NRXN1: variants seen among roughly 807,000 people sequenced by gnomAD.
The protein encoded by NRXN1 is neurexin 1.
Under a neutral mutation model 150.9 loss-of-function variants are expected in NRXN1, and 39 were observed. The observed-to-expected ratio is 0.26, with a 90% confidence interval of 0.20 to 0.34. The LOEUF is 0.34. Ranked by LOEUF, NRXN1 falls within the 10% of genes least tolerant of loss-of-function variation. The probability of loss-of-function intolerance (pLI) is 1.00; values close to 1 mark genes in which losing one functional copy is unlikely to be tolerated. For missense variants in NRXN1, 1,815 were observed against 1,949.9 expected (o/e 0.93, Z 1.30); for synonymous variants, 924 against 757.0 (o/e 1.22, Z -3.62).
chr2:50,165,689 T>C (rs74545230), intron 18 of NRXN1, among the ~76,000 whole-genome samples: 2,135 of 152,264 alleles, frequency 0.014, 46 homozygotes, highest in African/African-American at 0.049. Context: ...TGAGCCTTAC[T>C]TTCCTCCTCT....
At chr2:50,382,905 C>A (rs1281824835) in intron 17 of NRXN1, among the ~76,000 whole-genome samples, 1 of 152,138 alleles carries the variant, frequency 6.6e-6, no homozygotes, top group Admixed American at 6.6e-5. Context: ...TCTTGAGCCG[C>A]CTCAGGTTCA....
intron 2 of NRXN1, among the ~76,000 whole-genome samples, chr2:50,943,941 G>A (rs1254343491): frequency 6.6e-6 from 1 of 152,026 alleles, no homozygotes; most frequent in Non-Finnish European, 1.5e-5. Flanking sequence ...GAAGACCCTG[G>A]CATACGATTT....
chr2:50,168,553 T>G (rs904538066), intron 18 of NRXN1, among the ~76,000 whole-genome samples: 6 of 152,220 alleles, frequency 3.9e-5, no homozygotes, highest in Non-Finnish European at 7.3e-5. Context: ...ACTTAGTTTT[T>G]TTCATCTTAC....
chr2:50,521,940 A>G (rs1361525041), intron 12 of NRXN1, among the ~76,000 whole-genome samples: 1 of 152,196 alleles, frequency 6.6e-6, no homozygotes, highest in South Asian at 2.1e-4. Flanking sequence ...CGGGACAAGG[A>G]TAAGTAATAG....
intron 8 of NRXN1, among the ~76,000 whole-genome samples, chr2:50,599,469 C>A (rs1408535423): frequency 6.6e-6 from 1 of 151,958 alleles, no homozygotes; most frequent in African/African-American, 2.4e-5. Flanking sequence ...TCTAACAATG[C>A]CAAATGCAGA....
Position 50,418,210 on chromosome 2 carries a change from G to A in NRXN1, c.3364+47232C>T, listed in dbSNP as rs377337206. Among the ~76,000 whole-genome samples, 10 of 152,084 alleles carry A rather than the reference G, an allele frequency of 6.6e-5. 1 individual carries two copies. The highest frequency in any genetic ancestry group is 6.8e-3 in the Middle Eastern group (2 of 294). On this transcript the variant is annotated intron_variant, in intron 17 of 22. Coordinates refer to ENST00000401669, the MANE Select transcript of NRXN1 (RefSeq NM_001330078.2). The stretch of plus-strand genomic sequence containing the variant: ...GTTTCCTTCTTGGTTCACTGAGCAC[G>A]TGCCTCTTCTTATATCTCTAAAGCA...
At chr2:50,620,892 A>T in intron 7 of NRXN1, 2 of 279,632 alleles carry the variant, frequency 7.2e-6, no homozygotes, top group African/African-American at 2.4e-5. Flanking sequence ...CATGCCATGC[A>T]TCATGAATGG....
At position 50,911,994 on chromosome 2, in the gene NRXN1, T is replaced by A. The variant is rs969162550; in HGVS notation, c.832+9875A>T. The stretch of plus-strand genomic sequence containing the variant: ...CCTTTCATAATGGAGCAACTTCTTT[T>A]AAAGCAAGTTAATAATTATTCTTTT... On this transcript the variant is annotated intron_variant, in intron 5 of 22. Transcript: ENST00000401669. 2.3e-4 allele frequency among the ~76,000 whole-genome samples: 35 copies of A among 151,890 alleles called. 2 individuals are homozygous for A. The highest frequency in any genetic ancestry group is 2.9e-4 in the Non-Finnish European group (20 of 67,906).
intron 17 of NRXN1, among the ~76,000 whole-genome samples, chr2:50,239,020 T>C (rs2065738234): frequency 6.6e-6 from 1 of 151,866 alleles, no homozygotes; most frequent in Admixed American, 6.6e-5. Context: ...ACAAAGAAAA[T>C]TCAGAATATA....
intron 18 of NRXN1, among the ~76,000 whole-genome samples, chr2:50,145,042 A>G (rs1455402839): frequency 6.6e-6 from 1 of 151,788 alleles, no homozygotes; most frequent in Non-Finnish European, 1.5e-5. Flanking sequence ...GATGCTGGCT[A>G]TTTCTGTGAT....
At chr2:50,140,454 G>C (rs1162992989) in intron 18 of NRXN1, among the ~76,000 whole-genome samples, 2 of 151,998 alleles carry the variant, frequency 1.3e-5, no homozygotes, top group African/African-American at 2.4e-5. Context: ...AGATGGTTGA[G>C]GGCACTCCAC....
rs1371646009 is a variant in NRXN1, at chr2:50,481,268, AG to A, written c.3071-8798del. Among the ~76,000 whole-genome samples, 16 of 152,300 alleles carry A rather than the reference AG, an allele frequency of 1.1e-4. No homozygotes were observed. The East Asian group carries it at 3.1e-3, about 29-fold the overall frequency. ...CAGGAAATTTTGGAGAGTTGTGGCTAGTTGATAAAAGTAATGGTAATAAATG... is the reference window on the plus strand; with the variant it reads ...CAGGAAATTTTGGAGAGTTGTGGCTATTGATAAAAGTAATGGTAATAAATG... On this transcript the variant is annotated intron_variant, in intron 15 of 22. Coordinates refer to ENST00000401669, the MANE Select transcript of NRXN1 (RefSeq NM_001330078.2).
intron 21 of NRXN1, among the ~76,000 whole-genome samples, chr2:50,013,872 T>C (rs886888251): frequency 3.9e-5 from 6 of 152,148 alleles, no homozygotes; most frequent in Admixed American, 3.3e-4. Context: ...ATTTGGGTAC[T>C]AGTTTCAGTG....
intron 17 of NRXN1, among the ~76,000 whole-genome samples, chr2:50,453,390 C>G (rs1278584220): frequency 2.0e-5 from 3 of 152,168 alleles, no homozygotes; most frequent in Non-Finnish European, 4.4e-5. Context: ...GTCAAACTAT[C>G]TATTATTAGT....
At chr2:50,941,312 G>A (rs1225016077) in intron 2 of NRXN1, among the ~76,000 whole-genome samples, 2 of 152,134 alleles carry the variant, frequency 1.3e-5, no homozygotes, top group East Asian at 1.9e-4. Flanking sequence ...GTGGGGTACT[G>A]CTATAAAGGT....
intron 19 of NRXN1, among the ~76,000 whole-genome samples, chr2:50,079,320 T>A (rs1006285720): frequency 1.1e-4 from 16 of 152,194 alleles, no homozygotes; most frequent in Admixed American, 3.9e-4. Flanking sequence ...CTACTATCTA[T>A]CTAATATTGT....
chr2:50,250,634 C>T (rs1369469979), intron 17 of NRXN1, among the ~76,000 whole-genome samples: 1 of 151,736 alleles, frequency 6.6e-6, no homozygotes, highest in Non-Finnish European at 1.5e-5. Context: ...ATGCAAATTT[C>T]CTTTAACAAG....
chr2:50,891,622 A>T (rs1357544790), intron 5 of NRXN1, among the ~76,000 whole-genome samples: 1 of 152,076 alleles, frequency 6.6e-6, no homozygotes, highest in Non-Finnish European at 1.5e-5. Flanking sequence ...TACTGCTTTA[A>T]TAAAATCACA....
intron 22 of NRXN1, among the ~76,000 whole-genome samples, chr2:49,927,871 T>C (rs1364948063): frequency 1.3e-5 from 2 of 152,140 alleles, no homozygotes; most frequent in African/African-American, 4.8e-5. Flanking sequence ...TAATCTTATA[T>C]ATATATTTTG....
Sources: gnomAD v4.1 joint callset for allele counts (sites outside exome capture counted in the v4.1 genomes callset) on GRCh38, gnomAD v4.1.1 for gene constraint, MANE v1.5 for transcripts, NCBI Gene and HGNC (gene_info 2026-07-23, HGNC 2026-07-21) for gene names.